Variants in WDR41 observed in about 807,000 individuals in gnomAD.
The protein encoded by WDR41 is WD repeat domain 41.
A neutral mutation model predicts 69.3 loss-of-function variants in WDR41; 63 were observed. The ratio of observed to expected loss-of-function variants is 0.91; its 90% CI spans 0.74 to 1.12. WDR41 has a LOEUF of 1.12. WDR41 is among the 50% of genes most tolerant of loss of function. The probability of loss-of-function intolerance (pLI) is 0.00; values close to 1 mark genes in which losing one functional copy is unlikely to be tolerated. For synonymous variants in WDR41, 185 were observed against 192.1 expected (o/e 0.96, Z 0.31); for missense variants, 543 against 534.5 (o/e 1.02, Z -0.16).
intron 1 of WDR41, among the ~76,000 whole-genome samples, chr5:77,615,337 A>T (rs1175371143): frequency 1.3e-5 from 2 of 152,318 alleles, no homozygotes; most frequent in Non-Finnish European, 2.9e-5. Context: ...ATATATGTCC[A>T]TATTTTTAAA....
chr5:77,546,859 T>C (rs1743209007), intron 1 of WDR41, among the ~76,000 whole-genome samples: 2 of 152,078 alleles, frequency 1.3e-5, no homozygotes, highest in Non-Finnish European at 2.9e-5. Flanking sequence ...ATGCACATGA[T>C]GCTAAAATCC....
intron 1 of WDR41, among the ~76,000 whole-genome samples, chr5:77,600,859 G>A (rs978254075): frequency 1.3e-5 from 2 of 151,650 alleles, no homozygotes; most frequent in Admixed American, 6.6e-5. Flanking sequence ...CAGCCTGGAT[G>A]GCAAAGTGAG....
At chr5:77,512,331 T>TGAGTGAGAGAGAGAGAGAGA (rs1554034068) in intron 1 of WDR41, among the ~76,000 whole-genome samples, 2 of 87,962 alleles carry the variant, frequency 2.3e-5, no homozygotes, top group African/African-American at 1.0e-4. Context: ...ATGGGGTGAG[T>TGAGTGAGAGAGAGAGAGAGA]GAGAGAGAGA....
At chr5:77,591,985 T>C (rs777125593) in intron 1 of WDR41, among the ~76,000 whole-genome samples, 12 of 152,172 alleles carry the variant, frequency 7.9e-5, no homozygotes, top group Non-Finnish European at 1.3e-4. Context: ...TCTACAATTA[T>C]GATTATGAAA....
At chr5:77,605,364 C>T (rs777314970) in intron 1 of WDR41, among the ~76,000 whole-genome samples, 1 of 152,166 alleles carries the variant, frequency 6.6e-6, no homozygotes, top group Non-Finnish European at 1.5e-5. Context: ...CCAGATTTCC[C>T]AAAGCAGGGG....
chr5:77,464,613 T>A (rs1220661469), intron 3 of WDR41, 148 bp downstream of exon 3: 10 of 794,148 alleles, frequency 1.3e-5, no homozygotes, highest in Admixed American at 2.8e-5. Flanking sequence ...CCACTGTATA[T>A]GGATTTATCC....
At chr5:77,542,392 T>G (rs983977637) in intron 1 of WDR41, among the ~76,000 whole-genome samples, 1 of 152,062 alleles carries the variant, frequency 6.6e-6, no homozygotes, top group Admixed American at 6.6e-5. Context: ...TTTACCTGTG[T>G]AACAAACATG....
At chr5:77,491,986 TGAG>T in intron 1 of WDR41, 181 bp downstream of exon 1, 1 of 722,640 alleles carries the variant, frequency 1.4e-6, no homozygotes, top group Non-Finnish European at 2.2e-6. Flanking sequence ...CCGCCGGGTC[TGAG>T]GAGCTCCGGC....
At chr5:77,582,672 T>C (rs1743960878) in intron 1 of WDR41, 2 of 1,600,920 alleles carry the variant, frequency 1.2e-6, no homozygotes, top group African/African-American at 1.3e-5. Context: ...GAGGTATCAG[T>C]GCTGTGAGCC....
intron 1 of WDR41, among the ~76,000 whole-genome samples, chr5:77,556,410 A>C (rs115500410): frequency 1.3e-5 from 2 of 151,362 alleles, no homozygotes; most frequent in African/African-American, 4.9e-5. Context: ...CGACTGACTG[A>C]CTGTTTGTTT....
chr5:77,506,113 C>T lies in WDR41; in HGVS notation c.43-16541G>A, dbSNP rs568652044. Reference sequence around the variant, plus strand: ...GAGTGAACAGGCAACCTACAGAATGCGAGAAAATTTTTGCAATCTATCCAT... The same window carrying T: ...GAGTGAACAGGCAACCTACAGAATGTGAGAAAATTTTTGCAATCTATCCAT... On this transcript the variant is annotated intron_variant, in intron 1 of 5. Coordinates refer to the WDR41 transcript ENST00000509971. Among the ~76,000 whole-genome samples the T allele has an allele frequency of 8.6e-5, 13 of 152,004 alleles. No individual in the cohort carries two copies. The East Asian group carries it at 1.5e-3, about 18-fold the overall frequency.
At chr5:77,447,138 T>C (rs1184428432) in intron 8 of WDR41, among the ~76,000 whole-genome samples, 1 of 152,110 alleles carries the variant, frequency 6.6e-6, no homozygotes, top group Non-Finnish European at 1.5e-5. Flanking sequence ...AAGACATTTA[T>C]GTGGCCAAAA....
intron 5 of WDR41, among the ~76,000 whole-genome samples, chr5:77,458,176 A>C (rs1279657124): frequency 1.3e-5 from 2 of 152,112 alleles, no homozygotes; most frequent in African/African-American, 2.4e-5. Context: ...TTCTTAAAAA[A>C]TCCACTGTTA....
In WDR41 at chr5:77,507,958, G is replaced by A. The variant is rs116992159; in HGVS notation, c.43-18386C>T. Among the ~76,000 whole-genome samples the A allele has an allele frequency of 6.4e-3, 978 of 151,910 alleles. 6 individuals carry two copies. The highest frequency in any genetic ancestry group is 0.011 in the South Asian group (53 of 4,816). Reference sequence around the variant, plus strand: ...TCTTCATTCTTCTTTCTCTTTGCTCGTTGGCTTGCATAACCTCTATCAATC... The same window carrying A: ...TCTTCATTCTTCTTTCTCTTTGCTCATTGGCTTGCATAACCTCTATCAATC... On this transcript the variant is annotated intron_variant, in intron 1 of 5. Transcript: ENST00000509971.
intron 8 of WDR41, among the ~76,000 whole-genome samples, chr5:77,445,050 C>T (rs530425245): frequency 5.3e-5 from 8 of 151,666 alleles, no homozygotes; most frequent in Admixed American, 2.0e-4. Context: ...CTTATAAAGA[C>T]GAAAAGAGAG....
At chr5:77,467,866 C>T (rs1800372973) in intron 2 of WDR41, among the ~76,000 whole-genome samples, 1 of 151,622 alleles carries the variant, frequency 6.6e-6, no homozygotes, top group East Asian at 1.9e-4. Context: ...ACCCAGAATC[C>T]CTACCACACA....
intron 1 of WDR41, among the ~76,000 whole-genome samples, chr5:77,514,881 A>T (rs1802270270): frequency 6.6e-6 from 1 of 152,186 alleles, no homozygotes; most frequent in Admixed American, 6.5e-5. Flanking sequence ...AGTATGAAAG[A>T]TTTTTAAAAG....
intron 1 of WDR41, among the ~76,000 whole-genome samples, chr5:77,594,253 C>T (rs1156329840): frequency 2.0e-3 from 209 of 104,258 alleles, no homozygotes; most frequent in African/African-American, 7.1e-3. Context: ...CATCACACAC[C>T]GGGGCCTGTT....
intron 1 of WDR41, among the ~76,000 whole-genome samples, chr5:77,586,505 C>T (rs1744041334): frequency 6.6e-6 from 1 of 151,974 alleles, no homozygotes; most frequent in Admixed American, 6.6e-5. Flanking sequence ...AAGGGTTTCA[C>T]CATGTTGCCA....
Sources: gnomAD v4.1 joint callset for allele counts (sites outside exome capture counted in the v4.1 genomes callset) on GRCh38, gnomAD v4.1.1 for gene constraint, MANE v1.5 for transcripts, NCBI Gene and HGNC (gene_info 2026-07-23, HGNC 2026-07-21) for gene names.